The following GMDS variants were observed in gnomAD, a reference collection of about 807,000 sequenced individuals.
The protein encoded by GMDS is GDP-mannose 4,6-dehydratase.
Under a neutral mutation model 49.9 loss-of-function variants are expected in GMDS, and 20 were observed. The observed-to-expected ratio is 0.40, with a 90% CI of 0.28 to 0.58. The LOEUF is 0.58. GMDS is among the 20% of genes least tolerant of loss of function. GMDS has a pLI of 0.42. For synonymous variants in GMDS, 177 were observed against 178.6 expected (o/e 0.99, Z 0.07); for missense variants, 362 against 481.4 (o/e 0.75, Z 2.32).
intron 7 of GMDS, among the ~76,000 whole-genome samples, chr6:1,865,533 C>T (rs751086387): frequency 9.9e-5 from 15 of 152,050 alleles, no homozygotes; most frequent in Admixed American, 2.0e-4. Flanking sequence ...TAAAAATATC[C>T]AAGCCTTCAT....
chr6:2,183,286 A>G (rs542018540), intron 1 of GMDS, among the ~76,000 whole-genome samples: 1 of 152,338 alleles, frequency 6.6e-6, no homozygotes, highest in South Asian at 2.1e-4. Context: ...ATTCATGGAA[A>G]AGGGTCAAAA....
chr6:1,648,130 T>C (rs1173420318), intron 9 of GMDS, among the ~76,000 whole-genome samples: 1 of 152,236 alleles, frequency 6.6e-6, no homozygotes, highest in Non-Finnish European at 1.5e-5. Context: ...CCTAAAGCTC[T>C]TTCTCCTGAT....
rs191024276 is a variant in GMDS at position 2,237,268 on chromosome 6, C to T, written c.102+8053G>A. On this transcript the variant is annotated intron_variant, in intron 1 of 10. Transcript: ENST00000380815. Reference sequence around the variant, plus strand: ...TCACAAGATTTTGGCAGGAAAATTGCTTACTAGCTTGCCAAAGACTAGGTT... The same window carrying T: ...TCACAAGATTTTGGCAGGAAAATTGTTTACTAGCTTGCCAAAGACTAGGTT... Among the ~76,000 whole-genome samples the T allele has an allele frequency of 4.3e-3, 657 of 152,276 alleles. 2 individuals carry two copies. The highest frequency in any genetic ancestry group is 5.8e-3 in the Non-Finnish European group (396 of 68,006).
At chr6:2,048,402 C>A (rs894111596) in intron 4 of GMDS, among the ~76,000 whole-genome samples, 13 of 152,192 alleles carry the variant, frequency 8.5e-5, no homozygotes, top group African/African-American at 3.1e-4. Flanking sequence ...CTATATGTTA[C>A]TCTCAGGCCA....
At chr6:1,690,134 AC>A (rs752973856) in intron 9 of GMDS, among the ~76,000 whole-genome samples, 6 of 152,140 alleles carry the variant, frequency 3.9e-5, no homozygotes, top group Admixed American at 1.3e-4. Flanking sequence ...AAACCAACCC[AC>A]AAAAAACTGG....
At chr6:2,141,175 A>T (rs1286425521) in intron 1 of GMDS, among the ~76,000 whole-genome samples, 1 of 152,222 alleles carries the variant, frequency 6.6e-6, no homozygotes, top group Non-Finnish European at 1.5e-5. Flanking sequence ...GAAACCATCA[A>T]GGGGAGTGGG....
intron 7 of GMDS, among the ~76,000 whole-genome samples, chr6:1,843,201 G>C (rs1757225751): frequency 6.6e-6 from 1 of 152,154 alleles, no homozygotes; most frequent in African/African-American, 2.4e-5. Context: ...AGACAGTACA[G>C]ATTATGAGGG....
At chr6:1,823,812 T>C (rs1184599005) in intron 7 of GMDS, among the ~76,000 whole-genome samples, 3 of 148,760 alleles carry the variant, frequency 2.0e-5, no homozygotes, top group East Asian at 2.0e-4. Flanking sequence ...TATGCATAAA[T>C]AGATGCATTT....
chr6:1,964,149 C>T (rs1327130164), intron 4 of GMDS, among the ~76,000 whole-genome samples: 5 of 152,184 alleles, frequency 3.3e-5, no homozygotes, highest in African/African-American at 1.2e-4. Context: ...ATTAAGAAAC[C>T]TTAAACTAGA....
At chr6:2,001,145 C>A (rs1019701696) in intron 4 of GMDS, among the ~76,000 whole-genome samples, 8 of 152,156 alleles carry the variant, frequency 5.3e-5, no homozygotes, top group African/African-American at 1.9e-4. Flanking sequence ...AATTTCTTCA[C>A]CAACACCTGT....
intron 4 of GMDS, among the ~76,000 whole-genome samples, chr6:1,997,095 CAGG>C (rs1561958051): frequency 6.6e-6 from 1 of 151,850 alleles, no homozygotes; most frequent in East Asian, 1.9e-4. Flanking sequence ...CTCTGACAGC[CAGG>C]CAGAGGAAGG....
intron 7 of GMDS, among the ~76,000 whole-genome samples, chr6:1,842,162 T>C (rs1388345216): frequency 1.3e-5 from 2 of 152,228 alleles, no homozygotes; most frequent in Admixed American, 1.3e-4. Flanking sequence ...ACCTCACCTC[T>C]TCCTAACTCT....
chr6:1,932,212 A>G (rs62391628), intron 6 of GMDS, among the ~76,000 whole-genome samples: 19,811 of 152,118 alleles, frequency 0.13, 1,493 homozygotes, highest in East Asian at 0.2. Context: ...TCCAACTCTT[A>G]CCACAACCTT....
intron 4 of GMDS, among the ~76,000 whole-genome samples, chr6:1,963,992 G>A (rs1219838712): frequency 6.6e-6 from 1 of 152,192 alleles, no homozygotes; most frequent in African/African-American, 2.4e-5. Context: ...CTCCAAGTGA[G>A]TCCCTGGATG....
At chr6:1,953,010 T>G (rs1763433223) in intron 6 of GMDS, among the ~76,000 whole-genome samples, 1 of 152,192 alleles carries the variant, frequency 6.6e-6, no homozygotes, top group South Asian at 2.1e-4. Flanking sequence ...TAGAGGTTAC[T>G]ACATTGCCCA....
intron 4 of GMDS, among the ~76,000 whole-genome samples, chr6:2,033,829 G>C (rs1356992296): frequency 2.0e-5 from 3 of 152,192 alleles, no homozygotes; most frequent in Non-Finnish European, 4.4e-5. Flanking sequence ...CTCTAAGATG[G>C]AGGTGTTGAA....
intron 7 of GMDS, among the ~76,000 whole-genome samples, chr6:1,877,762 A>G (rs1759151153): frequency 6.6e-6 from 1 of 152,194 alleles, no homozygotes; most frequent in South Asian, 2.1e-4. Flanking sequence ...CACCTGGCAC[A>G]AGGGATCTTA....
chr6:2,184,285 C>A (rs1450182687), intron 1 of GMDS, among the ~76,000 whole-genome samples: 1 of 152,176 alleles, frequency 6.6e-6, no homozygotes, highest in Non-Finnish European at 1.5e-5. Flanking sequence ...AAAGTGATCT[C>A]AAACCACACG....
At chr6:2,176,946 C>G (rs1778311177) in intron 1 of GMDS, among the ~76,000 whole-genome samples, 8 of 152,006 alleles carry the variant, frequency 5.3e-5, no homozygotes, top group Admixed American at 5.2e-4. Flanking sequence ...GCAGCAGTGA[C>G]AAAGGAAGAG....
Sources: gnomAD v4.1 joint callset for allele counts (sites outside exome capture counted in the v4.1 genomes callset) on GRCh38, gnomAD v4.1.1 for gene constraint, MANE v1.5 for transcripts, NCBI Gene and HGNC (gene_info 2026-07-23, HGNC 2026-07-21) for gene names.